Variants in NR2C1 observed in about 807,000 individuals in gnomAD.
NR2C1 encodes TR2 nuclear hormone receptor.
A neutral mutation model predicts 74.8 loss-of-function variants in NR2C1; 33 were observed. That is an observed-to-expected ratio of 0.44 (90% CI 0.33 to 0.59). The LOEUF (loss-of-function observed/expected upper bound fraction) is 0.59, where lower values mean the gene tolerates loss of function less well. Ranked by LOEUF, NR2C1 falls within the 20% of genes least tolerant of loss-of-function variation. The pLI, the probability that NR2C1 is intolerant of heterozygous loss-of-function variation, is 0.02. For missense variants in NR2C1, 568 were observed against 715.6 expected, an observed-to-expected ratio of 0.79 and a Z score of 2.35; for synonymous variants, 225 against 240.6, an observed-to-expected ratio of 0.94 and a Z score of 0.60.
At chr12:95,028,311 T>C in intron 12 of NR2C1, 76 bp downstream of exon 12, 1 of 1,248,980 alleles carries the variant, frequency 8.0e-7, no homozygotes, top group East Asian at 2.5e-5. Flanking sequence ...ACATCCCCAC[T>C]TGCAACATAT....
intron 8 of NR2C1, among the ~76,000 whole-genome samples, chr12:95,049,877 T>C (rs1420395828): frequency 6.6e-6 from 1 of 152,164 alleles, no homozygotes; most frequent in Non-Finnish European, 1.5e-5. Flanking sequence ...CTCACTGTAA[T>C]CCTGAACTCC....
chr12:95,032,370 A>G (rs1488287158), intron 10 of NR2C1, among the ~76,000 whole-genome samples: 3 of 150,932 alleles, frequency 2.0e-5, no homozygotes, highest in Non-Finnish European at 4.4e-5. Flanking sequence ...AGGCAGGAGA[A>G]TGGTGTGAAC....
chr12:95,062,908 GCAAACAAAGGTA>G, intron 2 of NR2C1, 170 bp from the exon 3 acceptor site: 1 of 611,378 alleles, frequency 1.6e-6, no homozygotes, highest in Non-Finnish European at 2.9e-6. Context: ...AAACAAATGT[GCAAACAAAGGTA>G]CAATAGTAAG....
At chr12:95,025,399 C>T in intron 12 of NR2C1, 144 bp from the exon 13 acceptor site, 2 of 516,018 alleles carry the variant, frequency 3.9e-6, no homozygotes, top group Non-Finnish European at 6.7e-6. Flanking sequence ...TGGCTCACGC[C>T]TGTAATCCTA....
In NR2C1 at chr12:95,060,037, C is replaced by T. The variant is rs1182485578; in HGVS notation, c.286-53G>A. ...ACAAAAACGAAAACCTGTTGTTACT[C>T]AACAGCACTCATTCTATTAAAAAAA... is the stretch of plus-strand genomic sequence containing the variant. On this transcript the variant is annotated intron_variant, in intron 3 of 13. Transcript: ENST00000333003. The T allele has an allele frequency of 9.9e-6, 13 of 1,319,704 alleles. No individual in the cohort carries two copies. In the South Asian group the frequency reaches 1.5e-4, roughly 15 times the overall value. 81.7% of individuals were successfully genotyped at this position (1,319,704 alleles called of 1,614,324 possible). A position where few individuals can be genotyped will look rare whatever the true frequency, so the allele number is the denominator to read the frequency against.
At chr12:95,022,759 TG>T (rs1377533268) in intron 13 of NR2C1, among the ~76,000 whole-genome samples, 2 of 151,266 alleles carry the variant, frequency 1.3e-5, no homozygotes, top group Non-Finnish European at 2.9e-5. Context: ...AGTGCAGTGG[TG>T]TGAGCTCACT....
intron 10 of NR2C1, among the ~76,000 whole-genome samples, chr12:95,035,949 T>C (rs1870766329): frequency 6.6e-6 from 1 of 152,230 alleles, no homozygotes; most frequent in Admixed American, 6.5e-5. Flanking sequence ...ACACTGGGCC[T>C]CATTTAAGTT....
chr12:95,057,518 A>C, intron 7 of NR2C1, 35 bp downstream of exon 7: 1 of 1,472,036 alleles, frequency 6.8e-7, no homozygotes, highest in Non-Finnish European at 9.3e-7. Flanking sequence ...TAAAATGCTT[A>C]AAATTATCTA....
chr12:95,065,949 CAAA>C (rs35546696), intron 2 of NR2C1, among the ~76,000 whole-genome samples: 2 of 111,816 alleles, frequency 1.8e-5, no homozygotes, highest in Admixed American at 9.1e-5. Context: ...GACTTTGTCT[CAAA>C]AAAAAAAAAA....
At chr12:95,072,297 C>CA (rs769410702) in intron 1 of NR2C1, among the ~76,000 whole-genome samples, 3 of 121,414 alleles carry the variant, frequency 2.5e-5, no homozygotes, top group African/African-American at 1.3e-4. Context: ...AAAACAAAAA[C>CA]AAAAAAACTA....
At chr12:95,022,441 G>T in intron 13 of NR2C1, 38 bp from the exon 14 acceptor site, 1 of 1,510,568 alleles carries the variant, frequency 6.6e-7, no homozygotes, top group Non-Finnish European at 8.9e-7. Context: ...GAACAAGGTT[G>T]TAAACCAGAA....
chr12:95,054,498 C>G (rs541064573), intron 7 of NR2C1, among the ~76,000 whole-genome samples: 1 of 152,086 alleles, frequency 6.6e-6, no homozygotes, highest in South Asian at 2.1e-4. Flanking sequence ...GAGACAGAGT[C>G]TCGCTATGTT....
intron 1 of NR2C1, chr12:95,073,137 C>A (rs922144955): frequency 3.3e-5 from 5 of 153,036 alleles, no homozygotes; most frequent in Admixed American, 2.0e-4. Flanking sequence ...TCCGGCCCCG[C>A]GTCCCGCCGC....
intron 10 of NR2C1, among the ~76,000 whole-genome samples, chr12:95,035,421 A>T (rs929812396): frequency 1.3e-5 from 2 of 152,200 alleles, no homozygotes; most frequent in African/African-American, 4.8e-5. Flanking sequence ...GGAAACAGCT[A>T]ACCAAAGTAG....
At chr12:95,036,271 T>TTAAAA (rs1295022581) in intron 10 of NR2C1, among the ~76,000 whole-genome samples, 2 of 57,156 alleles carry the variant, frequency 3.5e-5, no homozygotes, top group African/African-American at 2.0e-4. Context: ...AATGTTGAGA[T>TTAAAA]TAAAAAAAAA....
intron 4 of NR2C1, 70 bp from the exon 5 acceptor site, chr12:95,058,559 T>C: frequency 6.4e-6 from 8 of 1,255,468 alleles, no homozygotes; most frequent in African/African-American, 1.5e-5. Context: ...TAAGCCAATT[T>C]CTTCCCTTTA....
chr12:95,053,346 AAG>A (rs1873308829), intron 7 of NR2C1, among the ~76,000 whole-genome samples: 1 of 152,142 alleles, frequency 6.6e-6, no homozygotes, highest in African/African-American at 2.4e-5. Flanking sequence ...TTTTATAAAA[AAG>A]AATTTTCTCT....
intron 9 of NR2C1, among the ~76,000 whole-genome samples, chr12:95,048,268 T>C (rs948309222): frequency 6.6e-6 from 1 of 152,174 alleles, no homozygotes; most frequent in Non-Finnish European, 1.5e-5. Context: ...CTAATTAAGA[T>C]GATACATAAC....
chr12:95,052,689 G>A (rs1321389704), intron 7 of NR2C1, among the ~76,000 whole-genome samples: 2 of 151,382 alleles, frequency 1.3e-5, no homozygotes, highest in East Asian at 2.0e-4. Context: ...CTGGTATCAA[G>A]TGATCCTCCC....
Sources: allele counts gnomAD v4.1 joint callset (sites outside exome capture counted in the v4.1 genomes callset), GRCh38; gene constraint gnomAD v4.1.1; transcripts MANE v1.5; gene names NCBI Gene and HGNC (gene_info 2026-07-23, HGNC 2026-07-21).